COTL1: variants seen among roughly 807,000 people sequenced by gnomAD.
COTL1 encodes coactosin-like protein.
Under a neutral mutation model 16.5 loss-of-function variants are expected in COTL1, and 15 were observed. The observed-to-expected ratio is 0.91, with a 90% CI of 0.61 to 1.40. The LOEUF is 1.40. Among genes scored for constraint, COTL1 ranks in the 40% most tolerant of loss-of-function variants. The pLI is 0.00. For synonymous variants in COTL1, 112 were observed against 85.3 expected (o/e 1.31, Z -1.73); for missense variants, 220 against 201.5 (o/e 1.09, Z -0.56).
At chr16:84,598,803 G>C (rs1021443684) in intron 2 of COTL1, among the ~76,000 whole-genome samples, 1 of 148,502 alleles carries the variant, frequency 6.7e-6, no homozygotes, top group South Asian at 2.2e-4. Context: ...AGTGGGGGCG[G>C]CGGGGACCAA....
intron 2 of COTL1, among the ~76,000 whole-genome samples, chr16:84,600,308 G>A (rs564906717): frequency 1.4e-5 from 2 of 143,914 alleles, no homozygotes; most frequent in Non-Finnish European, 3.0e-5. Flanking sequence ...CATGAATAAA[G>A]GCTCTTTTTT....
rs139689718 is a variant in COTL1 at position 84,567,476 on chromosome 16, C to T, written c.319-521G>A. 4.2e-3 allele frequency: 635 copies of T among 152,856 alleles called. 5 individuals carry two copies. The highest frequency in any genetic ancestry group is 0.015 in the African/African-American group (615 of 41,568). 9.5% of individuals were successfully genotyped at this position (152,856 alleles called of 1,614,324 possible). A position where few individuals can be genotyped will look rare whatever the true frequency, so the allele number is the denominator to read the frequency against. ...CGTCAAGCTATCAAAGTGATGTCAC[C>T]ATACGTGGAGGTGGAAGGAGACAGG... On this transcript the variant is annotated intron_variant, in intron 3 of 3. Coordinates refer to ENST00000262428, the MANE Select transcript of COTL1 (RefSeq NM_021149.5).
chr16:84,584,703 C>T (rs577108623), intron 3 of COTL1, among the ~76,000 whole-genome samples: 18 of 152,312 alleles, frequency 1.2e-4, no homozygotes, highest in Non-Finnish European at 2.4e-4. Context: ...CTGTGCATCA[C>T]GGTGTTGTCT....
At chr16:84,573,425 A>G (rs1299452656) in intron 3 of COTL1, among the ~76,000 whole-genome samples, 11 of 152,240 alleles carry the variant, frequency 7.2e-5, no homozygotes, top group Non-Finnish European at 1.2e-4. Flanking sequence ...ACAGGGGTGG[A>G]CATCTGCGCC....
chr16:84,588,699 T>C (rs1351985546), intron 3 of COTL1, among the ~76,000 whole-genome samples: 6 of 151,936 alleles, frequency 3.9e-5, no homozygotes, highest in Non-Finnish European at 8.8e-5. Flanking sequence ...TTTGTACAGA[T>C]GGAGTATTAT....
At chr16:84,615,529 G>C (rs756609848) in intron 2 of COTL1, among the ~76,000 whole-genome samples, 4 of 152,204 alleles carry the variant, frequency 2.6e-5, no homozygotes, top group African/African-American at 7.2e-5. Context: ...GGGGAAGGGA[G>C]GGATGGGTGA....
chr16:84,616,924 A>G (rs1386460833), intron 2 of COTL1, among the ~76,000 whole-genome samples: 2 of 152,212 alleles, frequency 1.3e-5, no homozygotes, highest in African/African-American at 4.8e-5. Flanking sequence ...TCTAGCCCCA[A>G]AAGCTAATCT....
chr16:84,571,540 T>A (rs1454509331), intron 3 of COTL1, among the ~76,000 whole-genome samples: 1 of 152,046 alleles, frequency 6.6e-6, no homozygotes, highest in African/African-American at 2.4e-5. Context: ...TTCCCTCCCC[T>A]CTTTGTGTCT....
At chr16:84,588,247 T>G (rs541285871) in intron 3 of COTL1, among the ~76,000 whole-genome samples, 1 of 137,928 alleles carries the variant, frequency 7.3e-6, no homozygotes, top group African/African-American at 3.0e-5. Flanking sequence ...AATAATAATT[T>G]ATTTTAGAAG....
intron 3 of COTL1, among the ~76,000 whole-genome samples, chr16:84,584,580 G>A (rs375455309): frequency 7.9e-5 from 12 of 152,308 alleles, no homozygotes; most frequent in East Asian, 5.8e-4. Flanking sequence ...GTGGCTGACG[G>A]CTGGCAATAT....
At chr16:84,587,201 T>C (rs1374224440) in intron 3 of COTL1, among the ~76,000 whole-genome samples, 1 of 152,140 alleles carries the variant, frequency 6.6e-6, no homozygotes, top group Admixed American at 6.5e-5. Context: ...AAACAAGGGC[T>C]CCCAGGCCAG....
intron 3 of COTL1, chr16:84,576,107 C>T (rs1054533994): frequency 2.6e-5 from 4 of 152,198 alleles, no homozygotes; most frequent in East Asian, 3.8e-4. Flanking sequence ...CCAGGAATTC[C>T]TTGGAATAAC....
intron 2 of COTL1, among the ~76,000 whole-genome samples, chr16:84,598,656 A>ACC (rs1350223450): frequency 6.4e-5 from 3 of 47,036 alleles, no homozygotes; most frequent in East Asian, 8.2e-4. Context: ...TCTCCCCCCC[A>ACC]ACCCCCCCCA....
intron 3 of COTL1, among the ~76,000 whole-genome samples, chr16:84,586,238 G>C (rs1327885417): frequency 1.3e-5 from 2 of 152,148 alleles, no homozygotes; most frequent in African/African-American, 4.8e-5. Context: ...CACACCTAAA[G>C]CCGAAACCCC....
intron 2 of COTL1, among the ~76,000 whole-genome samples, chr16:84,597,689 C>G (rs543141815): frequency 6.6e-6 from 1 of 152,194 alleles, no homozygotes; most frequent in Non-Finnish European, 1.5e-5. Context: ...ACAAAGGTCT[C>G]AAGGACAGAA....
intron 3 of COTL1, among the ~76,000 whole-genome samples, chr16:84,588,593 C>T (rs1904788818): frequency 1.3e-5 from 2 of 152,176 alleles, no homozygotes; most frequent in African/African-American, 4.8e-5. Context: ...TCACTGCAGC[C>T]TCGCCCTCCT....
intron 2 of COTL1, among the ~76,000 whole-genome samples, chr16:84,606,915 A>AT (rs1597184691): frequency 6.6e-6 from 1 of 152,308 alleles, no homozygotes; most frequent in East Asian, 1.9e-4. Context: ...CCCAGGCATT[A>AT]CGGGTTCTCT....
At chr16:84,612,041 T>C (rs1168534319) in intron 2 of COTL1, among the ~76,000 whole-genome samples, 2 of 151,866 alleles carry the variant, frequency 1.3e-5, no homozygotes, top group African/African-American at 4.8e-5. Context: ...TCCCATCATC[T>C]CTCCCCCTTC....
chr16:84,611,401 G>C (rs1318684275), intron 2 of COTL1, among the ~76,000 whole-genome samples: 1 of 152,176 alleles, frequency 6.6e-6, no homozygotes, highest in African/African-American at 2.4e-5. Context: ...GGGAAGATAG[G>C]GAAGAAACTT....
Sources: gnomAD v4.1 joint callset for allele counts (sites outside exome capture counted in the v4.1 genomes callset) on GRCh38, gnomAD v4.1.1 for gene constraint, MANE v1.5 for transcripts, NCBI Gene and HGNC (gene_info 2026-07-23, HGNC 2026-07-21) for gene names.